TRAPPC9: variants seen among roughly 807,000 people sequenced by gnomAD.
TRAPPC9 encodes IKK2 binding protein.
In TRAPPC9, 83 loss-of-function variants were observed where a neutral mutation model predicts 124.0. The ratio of observed to expected loss-of-function variants is 0.67; its 90% confidence interval spans 0.56 to 0.80. The LOEUF is 0.80. TRAPPC9 is among the 30% of genes least tolerant of loss of function. TRAPPC9 has a pLI of 0.00. For missense variants in TRAPPC9, 1,302 were observed against 1,508.3 expected, an observed-to-expected ratio of 0.86 and a Z score of 2.27; for synonymous variants, 638 against 617.5, an observed-to-expected ratio of 1.03 and a Z score of -0.49.
chr8:140,232,982 G>T (rs1158511928), intron 16 of TRAPPC9, among the ~76,000 whole-genome samples: 8 of 152,184 alleles, frequency 5.3e-5, no homozygotes, highest in Admixed American at 5.2e-4. Context: ...AGTGTTTCGT[G>T]TGTTCTTCAC....
intron 19 of TRAPPC9, among the ~76,000 whole-genome samples, chr8:139,917,401 C>T (rs1033102873): frequency 1.3e-5 from 2 of 151,938 alleles, no homozygotes; most frequent in South Asian, 2.1e-4. Flanking sequence ...CGGATGGTCT[C>T]GATCTCCTGA....
At chr8:140,116,522 T>C (rs1289452223) in intron 17 of TRAPPC9, among the ~76,000 whole-genome samples, 1 of 152,128 alleles carries the variant, frequency 6.6e-6, no homozygotes, top group Non-Finnish European at 1.5e-5. Context: ...GATGAGTCAT[T>C]TGTTTGGCAT....
chr8:140,129,672 C>T (rs1161896269), intron 17 of TRAPPC9, among the ~76,000 whole-genome samples: 1 of 148,500 alleles, frequency 6.7e-6, no homozygotes, highest in African/African-American at 2.6e-5. Flanking sequence ...AGCTTTCTCC[C>T]CGAGAGAAAA....
At chr8:140,174,571 C>G (rs1024979468) in intron 17 of TRAPPC9, among the ~76,000 whole-genome samples, 2 of 152,116 alleles carry the variant, frequency 1.3e-5, no homozygotes, top group Non-Finnish European at 2.9e-5. Flanking sequence ...CCCGATTCCC[C>G]CTCCTGCTTT....
intron 21 of TRAPPC9, among the ~76,000 whole-genome samples, chr8:139,814,281 T>C (rs1824666853): frequency 1.3e-5 from 2 of 152,190 alleles, no homozygotes; most frequent in African/African-American, 2.4e-5. Context: ...TGGGCCTGTT[T>C]CCATGCCAAT....
chr8:139,738,296 T>C (rs1213571467), intron 21 of TRAPPC9, among the ~76,000 whole-genome samples: 1 of 152,202 alleles, frequency 6.6e-6, no homozygotes, highest in Admixed American at 6.5e-5. Flanking sequence ...TCCCCAGGAC[T>C]TCCTTCGCAA....
chr8:140,292,506 A>G (rs1261045678), intron 11 of TRAPPC9, among the ~76,000 whole-genome samples: 1 of 152,232 alleles, frequency 6.6e-6, no homozygotes, highest in Admixed American at 6.5e-5. Context: ...TTTCATAAGC[A>G]TGTTCTCAAG....
intron 7 of TRAPPC9, 80 bp from the exon 8 acceptor site, chr8:140,371,260 T>A: frequency 1.5e-6 from 2 of 1,357,494 alleles, no homozygotes; most frequent in South Asian, 2.5e-5. Flanking sequence ...AAATGTCTCT[T>A]CATAAAACAA....
intron 17 of TRAPPC9, among the ~76,000 whole-genome samples, chr8:140,065,458 C>T (rs1842856664): frequency 6.6e-6 from 1 of 152,216 alleles, no homozygotes; most frequent in African/African-American, 2.4e-5. Context: ...CTAGGACTTT[C>T]ATAGCTGGAG....
intron 19 of TRAPPC9, among the ~76,000 whole-genome samples, chr8:139,985,433 G>A (rs114376229): frequency 1.3e-5 from 2 of 152,290 alleles, no homozygotes; most frequent in East Asian, 1.9e-4. Flanking sequence ...TGCCAAAGGC[G>A]TAGACCCCAG....
At chr8:139,940,907 G>C (rs1366731829) in intron 19 of TRAPPC9, among the ~76,000 whole-genome samples, 1 of 152,234 alleles carries the variant, frequency 6.6e-6, no homozygotes, top group Non-Finnish European at 1.5e-5. Context: ...CTGGGGAAGG[G>C]GACAAGGCTG....
chr8:139,796,115 G>A (rs1397939736), intron 21 of TRAPPC9, among the ~76,000 whole-genome samples: 2 of 147,936 alleles, frequency 1.4e-5, no homozygotes, highest in Non-Finnish European at 1.5e-5. Context: ...GGAAGAGGAG[G>A]AGGGAGGAGG....
intron 18 of TRAPPC9, among the ~76,000 whole-genome samples, chr8:140,007,312 T>G (rs1013494653): frequency 1.3e-5 from 2 of 152,216 alleles, no homozygotes; most frequent in African/African-American, 4.8e-5. Context: ...GTTGCATTCA[T>G]CTAATCAAAA....
intron 9 of TRAPPC9, among the ~76,000 whole-genome samples, chr8:140,346,969 G>C (rs1000609814): frequency 1.3e-5 from 2 of 152,216 alleles, no homozygotes; most frequent in Non-Finnish European, 2.9e-5. Context: ...AGTGATGTCT[G>C]AGGCAGAGGC....
chr8:139,732,210 G>A lies in TRAPPC9; in HGVS notation c.3056-8C>T, dbSNP rs1274788646. On this transcript the variant is annotated splice_region_variant and splice_polypyrimidine_tract_variant and intron_variant, in intron 21 of 22. Transcript: ENST00000438773. ...GTCCGTCCACCAGCACATCTGTAAGGGACACGAGACTGTCGGGGGCTGGGC... is the reference window on the plus strand; with the variant it reads ...GTCCGTCCACCAGCACATCTGTAAGAGACACGAGACTGTCGGGGGCTGGGC... The A allele has an allele frequency of 2.5e-6, 4 of 1,578,134 alleles. No individual in the cohort carries two copies. The highest frequency in any genetic ancestry group is 2.6e-6 in the Non-Finnish European group (3 of 1,168,800).
chr8:139,842,233 GA>G (rs1563856004), intron 21 of TRAPPC9, among the ~76,000 whole-genome samples: 1 of 152,192 alleles, frequency 6.6e-6, no homozygotes, highest in Non-Finnish European at 1.5e-5. Context: ...ACTGCCTCTT[GA>G]AATGTTGCTG....
In TRAPPC9 at chr8:140,183,433, C is replaced by T. The variant is rs555282461; in HGVS notation, c.2556+38026G>A. 1.5e-3 allele frequency among the ~76,000 whole-genome samples: 230 copies of T among 152,350 alleles called. 2 individuals carry two copies. The highest frequency in any genetic ancestry group is 2.5e-3 in the Non-Finnish European group (169 of 68,028). Reference sequence around the variant, plus strand: ...GGAAAGAGATGAATGCTATTAAAAACTACCAAGTGCAGAATTCCACCTCGA... The same window carrying T: ...GGAAAGAGATGAATGCTATTAAAAATTACCAAGTGCAGAATTCCACCTCGA... On this transcript the variant is annotated intron_variant, in intron 17 of 22. Coordinates refer to ENST00000438773, the MANE Select transcript of TRAPPC9 (RefSeq NM_001160372.4).
chr8:139,926,612 A>T (rs11412389), intron 19 of TRAPPC9, among the ~76,000 whole-genome samples: 16,719 of 151,338 alleles, frequency 0.11, 1,048 homozygotes, highest in Admixed American at 0.18. Context: ...TAAAATAAAA[A>T]AAAAAAAAAA....
chr8:140,020,135 G>A (rs900220695), intron 18 of TRAPPC9, among the ~76,000 whole-genome samples: 1 of 151,458 alleles, frequency 6.6e-6, no homozygotes, highest in Admixed American at 6.6e-5. Flanking sequence ...ATTTTTTTCT[G>A]ACCACCCTAG....
Sources: allele counts gnomAD v4.1 joint callset (sites outside exome capture counted in the v4.1 genomes callset), GRCh38; gene constraint gnomAD v4.1.1; transcripts MANE v1.5; gene names NCBI Gene and HGNC (gene_info 2026-07-23, HGNC 2026-07-21).